The following VPS50 variants were observed in gnomAD, a reference collection of about 807,000 sequenced individuals.
VPS50 encodes the protein VPS50 subunit of EARP/GARPII complex.
Under a neutral mutation model 139.7 loss-of-function variants are expected in VPS50, and 70 were observed. The ratio of observed to expected loss-of-function variants is 0.50; its 90% CI spans 0.41 to 0.61. The LOEUF is 0.61. Among genes scored for constraint, VPS50 ranks in the 20% least tolerant of loss-of-function variants. The pLI is 0.00. For missense variants in VPS50, 921 were observed against 1,133.7 expected, an observed-to-expected ratio of 0.81 and a Z score of 2.69; for synonymous variants, 365 against 376.7, an observed-to-expected ratio of 0.97 and a Z score of 0.36.
At chr7:93,296,898 G>A (rs1796827285) in intron 15 of VPS50, 62 bp downstream of exon 15, 1 of 1,515,308 alleles carries the variant, frequency 6.6e-7, no homozygotes, top group South Asian at 1.3e-5. Flanking sequence ...TAAATCATGA[G>A]CTAGTGAGTT....
chr7:93,297,336 C>A, intron 16 of VPS50, 93 bp downstream of exon 16: 1 of 1,250,578 alleles, frequency 8.0e-7, no homozygotes, highest in Non-Finnish European at 1.0e-6. Context: ...TGATTTTAAA[C>A]AATTACTTTT....
At chr7:93,322,555 G>C (rs958537803) in intron 20 of VPS50, among the ~76,000 whole-genome samples, 1 of 141,396 alleles carries the variant, frequency 7.1e-6, no homozygotes, top group Non-Finnish European at 1.5e-5. Flanking sequence ...AGCCGAGATC[G>C]CGCCACTGCA....
intron 20 of VPS50, among the ~76,000 whole-genome samples, chr7:93,318,029 T>C (rs1358610607): frequency 6.6e-6 from 1 of 151,590 alleles, no homozygotes; most frequent in African/African-American, 2.4e-5. Flanking sequence ...TCATTCACTT[T>C]AAACTACATT....
intron 21 of VPS50, among the ~76,000 whole-genome samples, chr7:93,333,615 T>C (rs1473826087): frequency 2.6e-5 from 4 of 152,330 alleles, no homozygotes; most frequent in South Asian, 4.1e-4. Context: ...TTGTAGTGAA[T>C]AGATTTCTAT....
At chr7:93,275,365 T>C (rs933023233) in intron 11 of VPS50, among the ~76,000 whole-genome samples, 1 of 152,138 alleles carries the variant, frequency 6.6e-6, no homozygotes, top group African/African-American at 2.4e-5. Context: ...AGTCAACTAA[T>C]GCAGGAAACT....
intron 2 of VPS50, among the ~76,000 whole-genome samples, chr7:93,250,964 C>T (rs1795307436): frequency 6.6e-6 from 1 of 152,150 alleles, no homozygotes; most frequent in Admixed American, 6.5e-5. Context: ...AAATCCAAAT[C>T]AAAACCACAA....
intron 2 of VPS50, chr7:93,246,040 TCTTA>T (rs937326041): frequency 1.7e-5 from 17 of 971,584 alleles, no homozygotes; most frequent in Non-Finnish European, 2.5e-5. Context: ...CATGTTTTGT[TCTTA>T]CTTCTAGCTC....
At chr7:93,239,580 A>AC (rs1562844343) in intron 1 of VPS50, among the ~76,000 whole-genome samples, 1 of 152,244 alleles carries the variant, frequency 6.6e-6, no homozygotes, top group East Asian at 1.9e-4. Context: ...AAGTTTCTTT[A>AC]CTTTTGGCTG....
intron 17 of VPS50, among the ~76,000 whole-genome samples, chr7:93,304,180 T>G (rs1797055016): frequency 6.6e-6 from 1 of 151,872 alleles, no homozygotes; most frequent in African/African-American, 2.4e-5. Context: ...TGTGAAAGAT[T>G]GTGTTCTGGA....
At chr7:93,257,328 T>A (rs1795515969) in intron 5 of VPS50, 66 bp from the exon 6 acceptor site, 1 of 927,548 alleles carries the variant, frequency 1.1e-6, no homozygotes, top group Non-Finnish European at 1.7e-6. Flanking sequence ...TTTGTTAGAG[T>A]ACTATATAAA....
chr7:93,294,105 GA>G (rs547432055), intron 13 of VPS50, among the ~76,000 whole-genome samples: 7 of 152,158 alleles, frequency 4.6e-5, no homozygotes, highest in South Asian at 2.1e-4. Flanking sequence ...TATTTATCAT[GA>G]AAAATATAAA....
intron 9 of VPS50, among the ~76,000 whole-genome samples, chr7:93,266,617 C>T (rs1224823644): frequency 6.6e-6 from 1 of 152,122 alleles, no homozygotes; most frequent in Non-Finnish European, 1.5e-5. Flanking sequence ...TTGTTTGATT[C>T]GTTCCATTCA....
intron 23 of VPS50, among the ~76,000 whole-genome samples, chr7:93,343,348 T>G (rs915603815): frequency 6.6e-6 from 1 of 152,150 alleles, no homozygotes; most frequent in Non-Finnish European, 1.5e-5. Context: ...AGACCAAATC[T>G]ACGTCTGATT....
At chr7:93,275,526 T>A (rs1416466827) in intron 11 of VPS50, among the ~76,000 whole-genome samples, 5 of 152,200 alleles carry the variant, frequency 3.3e-5, no homozygotes, top group African/African-American at 1.2e-4. Context: ...AGCATTTTTT[T>A]AAATTTTAGC....
chr7:93,300,040 G>A (rs558316772), intron 16 of VPS50, among the ~76,000 whole-genome samples: 10 of 152,172 alleles, frequency 6.6e-5, no homozygotes, highest in African/African-American at 2.4e-4. Context: ...GGTGTTAGAA[G>A]AGAGAAGTCA....
At chr7:93,342,739 C>G (rs1379078233) in intron 23 of VPS50, among the ~76,000 whole-genome samples, 1 of 152,244 alleles carries the variant, frequency 6.6e-6, no homozygotes, top group Non-Finnish European at 1.5e-5. Flanking sequence ...CCTCACACGA[C>G]TGGGTACTCC....
At chr7:93,233,583 G>A (rs1794704688) in intron 1 of VPS50, among the ~76,000 whole-genome samples, 2 of 152,204 alleles carry the variant, frequency 1.3e-5, no homozygotes, top group South Asian at 4.1e-4. Context: ...TTATGTCAGA[G>A]CATTTTGTTA....
Position 93,250,242 on chromosome 7 carries a change from TTTTTTGGCTTGAAATTACTAA to T in VPS50, c.103-2409_103-2389del, listed in dbSNP as rs146874694. 3.5e-3 allele frequency among the ~76,000 whole-genome samples: 530 copies of T among 152,294 alleles called. 6 individuals are homozygous for T. Among genetic ancestry groups the T allele is most frequent in the East Asian group, 0.025 (129 of 5,184 alleles). On this transcript the variant is annotated intron_variant, in intron 2 of 27. Coordinates refer to ENST00000305866, the MANE Select transcript of VPS50 (RefSeq NM_017667.4). ...TTCTTGAGTTTTAGATTTGTTCTATTTTTTTGGCTTGAAATTACTAATAGGGAATAATTTTATAGTTAGTTT... is the reference window on the plus strand; with the variant it reads ...TTCTTGAGTTTTAGATTTGTTCTATTTAGGGAATAATTTTATAGTTAGTTT...
chr7:93,317,526 C>T (rs1230217229), intron 20 of VPS50, among the ~76,000 whole-genome samples: 2 of 152,192 alleles, frequency 1.3e-5, no homozygotes, highest in Non-Finnish European at 2.9e-5. Context: ...CACTGCATTC[C>T]AGCCTGGGTG....
Sources: allele counts gnomAD v4.1 joint callset (sites outside exome capture counted in the v4.1 genomes callset), GRCh38; gene constraint gnomAD v4.1.1; transcripts MANE v1.5; gene names NCBI Gene and HGNC (gene_info 2026-07-23, HGNC 2026-07-21).